Variants in NCKAP1 observed in about 807,000 individuals in gnomAD.
NCKAP1 encodes the protein nck-associated protein 1.
Under a neutral mutation model 151.2 loss-of-function variants are expected in NCKAP1, and 21 were observed. The ratio of observed to expected loss-of-function variants is 0.14; its 90% confidence interval spans 0.10 to 0.20. The LOEUF (loss-of-function observed/expected upper bound fraction) is 0.20. Ranked by LOEUF, NCKAP1 falls within the 10% of genes least tolerant of loss-of-function variation. The probability of loss-of-function intolerance (pLI) is 1.00; values close to 1 mark genes in which losing one functional copy is unlikely to be tolerated. For missense variants in NCKAP1, 933 were observed against 1,352.1 expected, an observed-to-expected ratio of 0.69 and a Z score of 4.86; for synonymous variants, 484 against 451.8, an observed-to-expected ratio of 1.07 and a Z score of -0.90.
chr2:183,011,345 A>C (rs1283499406), intron 2 of NCKAP1, among the ~76,000 whole-genome samples: 1 of 152,196 alleles, frequency 6.6e-6, no homozygotes. Flanking sequence ...ATAAGTGAAA[A>C]ATAATTTTAG....
rs1553515251 is a variant in NCKAP1 at position 182,984,423 on chromosome 2, G to GTGTGTGTGTGTGTGTGTGTGTGT, written c.1005-1042_1005-1041insACACACACACACACACACACACA. 4.6e-4 allele frequency among the ~76,000 whole-genome samples: 66 copies of GTGTGTGTGTGTGTGTGTGTGTGT among 144,394 alleles called. 1 individual carries two copies. Among genetic ancestry groups the GTGTGTGTGTGTGTGTGTGTGTGT allele is most frequent in the Admixed American group, 2.8e-3 (41 of 14,408 alleles). 94.7% of individuals were successfully genotyped at this position (144,394 alleles called of 152,430 possible). A position where few individuals can be genotyped will look rare whatever the true frequency, so the allele number is the denominator to read the frequency against. ...AAGAAAGTTTTAGAATTTAGATTGG[G>GTGTGTGTGTGTGTGTGTGTGTGT]GTGTGTGTGTGTGTGTGTGTGTGTG... On this transcript the variant is annotated intron_variant, in intron 10 of 30. Coordinates refer to ENST00000361354, the MANE Select transcript of NCKAP1 (RefSeq NM_013436.5).
chr2:182,982,175 A>T (rs78144264), intron 12 of NCKAP1, among the ~76,000 whole-genome samples: 2 of 152,134 alleles, frequency 1.3e-5, no homozygotes, highest in Non-Finnish European at 2.9e-5. Context: ...AATGAATTCC[A>T]TAAGAAATAT....
At chr2:182,973,062 A>G (rs1036742937) in intron 15 of NCKAP1, among the ~76,000 whole-genome samples, 11 of 152,256 alleles carry the variant, frequency 7.2e-5, no homozygotes, top group Admixed American at 4.6e-4. Context: ...CAATATGATG[A>G]TATGTGTTTG....
At chr2:182,956,730 T>C in intron 19 of NCKAP1, 137 bp from the exon 20 acceptor site, 1 of 848,312 alleles carries the variant, frequency 1.2e-6, no homozygotes, top group Non-Finnish European at 1.7e-6. Context: ...ACTGAGAAAG[T>C]TCAAAATCTT....
At chr2:182,947,529 T>G (rs761184566) in intron 23 of NCKAP1, among the ~76,000 whole-genome samples, 4 of 152,174 alleles carry the variant, frequency 2.6e-5, no homozygotes, top group Non-Finnish European at 5.9e-5. Flanking sequence ...ATTTCCCAGG[T>G]TCTCCTTGGC....
chr2:183,009,475 G>GCAAGCAAGC (rs1553517571), intron 2 of NCKAP1, among the ~76,000 whole-genome samples: 4 of 100,224 alleles, frequency 4.0e-5, no homozygotes, highest in Non-Finnish European at 6.1e-5. Flanking sequence ...AGGAAGGAAG[G>GCAAGCAAGC]AAGCAAGCAA....
rs766995353 is a variant in NCKAP1 at position 183,002,288 on chromosome 2, A to G, written c.370-19T>C. On this transcript the variant is annotated intron_variant, in intron 4 of 30. Coordinates refer to ENST00000361354, the MANE Select transcript of NCKAP1 (RefSeq NM_013436.5). ...TTACAGTCTAGGAGAAAAAAAAATC[A>G]AGTTCAACTACTTCCTATTTCTTAA... The G allele has an allele frequency of 3.5e-6, 5 of 1,427,980 alleles. No homozygotes were observed. The Admixed American group carries it at 1.1e-4, about 32-fold the overall frequency. 88.5% of individuals were successfully genotyped at this position (1,427,980 alleles called of 1,614,324 possible).
chr2:182,951,434 C>T (rs1374197379), intron 23 of NCKAP1, among the ~76,000 whole-genome samples: 4 of 151,006 alleles, frequency 2.6e-5, no homozygotes, highest in African/African-American at 9.7e-5. Context: ...TTTGGGAGGC[C>T]GAGGTGGGTG....
intron 8 of NCKAP1, 101 bp downstream of exon 8, chr2:182,994,738 A>C (rs920522742): frequency 2.2e-6 from 2 of 909,024 alleles, no homozygotes; most frequent in Non-Finnish European, 3.5e-6. Flanking sequence ...TAGATGGGTT[A>C]GCACAATGCT....
chr2:183,007,701 T>G (rs751286955), intron 2 of NCKAP1, among the ~76,000 whole-genome samples: 30 of 152,204 alleles, frequency 2.0e-4, no homozygotes, highest in Non-Finnish European at 4.1e-4. Context: ...TTTCAAGGAA[T>G]GCTTTGTTCA....
At chr2:182,961,332 C>T (rs1267929092) in intron 18 of NCKAP1, among the ~76,000 whole-genome samples, 1 of 152,172 alleles carries the variant, frequency 6.6e-6, no homozygotes. Flanking sequence ...GGAACCAACC[C>T]AAAGGTCCAA....
In NCKAP1 at chr2:183,038,028, G is replaced by A; in HGVS notation, c.72C>T (p.Gly24=). 6.3e-7 allele frequency: 1 copy of A among 1,582,822 alleles called. No individual in the cohort carries two copies. The highest frequency in any genetic ancestry group is 8.5e-7 in the Non-Finnish European group (1 of 1,171,876). The change falls in exon 1 of 31, where the codon GGC becomes GGT. Residue 24 remains glycine, a synonymous_variant. Transcript: ENST00000361354. The stretch of plus-strand genomic sequence containing the variant: ...TGTAGAGGCGGGTGAGCATGCCGAC[G>A]CCCCGGTCGTTGAGGATGGTGAGCT... ...AEKLTILNDR[G]VGMLTRLYNI...
rs369808480 is a variant in NCKAP1 at position 182,983,472 on chromosome 2, A to G, written c.1005-90T>C. ...AACTAGCATTATAGGTGCAACTTCC[A>G]AAGTCTTTTTTTAGGAAGCCAAAGT... On this transcript the variant is annotated intron_variant, in intron 10 of 30. Transcript: ENST00000361354. 7 of 902,308 alleles carry G rather than the reference A, an allele frequency of 7.8e-6. No homozygotes were observed. In the Admixed American group the frequency reaches 9.6e-5, roughly 12 times the overall value. 55.9% of individuals were successfully genotyped at this position (902,308 alleles called of 1,614,324 possible).
chr2:183,003,418 G>C, intron 2 of NCKAP1, 93 bp from the exon 3 acceptor site: 1 of 759,412 alleles, frequency 1.3e-6, no homozygotes, highest in South Asian at 1.8e-5. Flanking sequence ...CTATATGGAA[G>C]CACAAGCTTT....
Position 182,916,520 on chromosome 2 carries a change from T to C in NCKAP1, c.*9182A>G, listed in dbSNP as rs1696471229. 1 of 152,204 alleles carries C rather than the reference T, an allele frequency of 6.6e-6. No homozygotes were observed. The highest frequency in any genetic ancestry group is 2.1e-4 in the South Asian group (1 of 4,830). The allele number at this position is 152,204 out of a possible 1,614,324, so 9.4% of individuals were successfully genotyped here. ...AATAATTACATTATGATTCAATATG[T>C]ACTATAATAAAGGCATTTATAAGGT... On this transcript the variant is annotated 3_prime_UTR_variant, in exon 31 of 31. Transcript: ENST00000361354.
chr2:182,948,468 T>G (rs1199512912), intron 23 of NCKAP1, among the ~76,000 whole-genome samples: 6 of 152,126 alleles, frequency 3.9e-5, no homozygotes, highest in Non-Finnish European at 8.8e-5. Context: ...CTCCAAAATA[T>G]AAGAGAGAAA....
chr2:182,952,390 T>TA lies in NCKAP1; in HGVS notation c.2601+14dup. 6.6e-7 allele frequency: 1 copy of TA among 1,518,296 alleles called. No homozygotes were observed. Among genetic ancestry groups the TA allele is most frequent in the Non-Finnish European group, 8.9e-7 (1 of 1,118,164 alleles). The allele number at this position is 1,518,296 out of a possible 1,614,324, so 94.1% of individuals were successfully genotyped here. ...ATTAATGTTTAAAAGCTAAAATTAA[T>TA]AAAGACTATATTACCTTAAGTTCAG... On this transcript the variant is annotated intron_variant, in intron 23 of 30. Coordinates refer to ENST00000361354, the MANE Select transcript of NCKAP1 (RefSeq NM_013436.5).
chr2:182,956,982 A>G (rs1697341369), intron 19 of NCKAP1: 1 of 166,158 alleles, frequency 6.0e-6, no homozygotes, highest in Non-Finnish European at 1.3e-5. Flanking sequence ...AACAAAAAAT[A>G]TTTACCGAAT....
Position 182,912,964 on chromosome 2 carries a change from T to A in NCKAP1, c.*12738A>T, listed in dbSNP as rs1285988916. 6.6e-6 allele frequency: 1 copy of A among 152,232 alleles called. No individual in the cohort carries two copies. The highest frequency in any genetic ancestry group is 2.1e-4 in the South Asian group (1 of 4,830). The allele number at this position is 152,232 out of a possible 1,614,324, so 9.4% of individuals were successfully genotyped here. On this transcript the variant is annotated 3_prime_UTR_variant, in exon 31 of 31. Coordinates refer to ENST00000361354, the MANE Select transcript of NCKAP1 (RefSeq NM_013436.5). ...GGCATCATACTAATTTTCCAATGCA[T>A]TCACCTATCCATTGGCCATGGTTAC...
Sources: gnomAD v4.1 joint callset for allele counts (sites outside exome capture counted in the v4.1 genomes callset) on GRCh38, gnomAD v4.1.1 for gene constraint, MANE v1.5 for transcripts, NCBI Gene and HGNC (gene_info 2026-07-23, HGNC 2026-07-21) for gene names.